Variants in ALOX5AP observed in about 807,000 individuals in gnomAD.
ALOX5AP encodes arachidonate 5-lipoxygenase-activating protein.
A neutral mutation model predicts 18.5 loss-of-function variants in ALOX5AP; 9 were observed. The ratio of observed to expected loss-of-function variants is 0.49; its 90% CI spans 0.29 to 0.85. The LOEUF is 0.85. ALOX5AP is among the 40% of genes least tolerant of loss of function. ALOX5AP has a pLI of 0.08. For missense variants in ALOX5AP, 172 were observed against 202.5 expected (o/e 0.85, Z 0.91); for synonymous variants, 81 against 78.6 (o/e 1.03, Z -0.16).
At chr13:30,715,909 C>T (rs1475827177) in intron 1 of ALOX5AP, among the ~76,000 whole-genome samples, 1 of 152,168 alleles carries the variant, frequency 6.6e-6, no homozygotes. Context: ...AAAATATCAG[C>T]ACTTAATGGC....
chr13:30,741,838 T>G lies in ALOX5AP; in HGVS notation c.71-2222T>G, dbSNP rs560245129. Among the ~76,000 whole-genome samples, 487 of 151,064 alleles carry G rather than the reference T, an allele frequency of 3.2e-3. 3 individuals carry two copies. The highest frequency in any genetic ancestry group is 0.014 in the Middle Eastern group (4 of 292). ...CCAGACAAATGGTTTTCTGTTTTTT[T>G]TTTTTTTTTTTAATATTTTTGGTCA... is the stretch of plus-strand genomic sequence containing the variant. On this transcript the variant is annotated intron_variant, in intron 1 of 4. Transcript: ENST00000380490.
At chr13:30,739,059 A>G (rs1951742160) in intron 1 of ALOX5AP, among the ~76,000 whole-genome samples, 1 of 152,056 alleles carries the variant, frequency 6.6e-6, no homozygotes, top group Non-Finnish European at 1.5e-5. Context: ...CAAAGCAGGA[A>G]TCTTCCTTAC....
In ALOX5AP at chr13:30,729,576, ATT is replaced by A. The variant is rs10655622; in HGVS notation, c.117-5957_117-5956del. ...GCAAAGAAATCCATGTCTAACCTGTATTTTTTTTTTTTTTTTTTTAGATGGGG... is the reference window on the plus strand; with the variant it reads ...GCAAAGAAATCCATGTCTAACCTGTATTTTTTTTTTTTTTTTTAGATGGGG... On this transcript the variant is annotated intron_variant, in intron 1 of 5. Transcript: ENST00000617770. Among the ~76,000 whole-genome samples the A allele has an allele frequency of 6.0e-3, 825 of 137,588 alleles. 6 individuals carry two copies. The highest frequency in any genetic ancestry group is 0.021 in the African/African-American group (760 of 36,926). 90.3% of individuals were successfully genotyped at this position (137,588 alleles called of 152,430 possible).
At chr13:30,739,302 T>C (rs1951744500) in intron 1 of ALOX5AP, among the ~76,000 whole-genome samples, 1 of 152,270 alleles carries the variant, frequency 6.6e-6, no homozygotes, top group Non-Finnish European at 1.5e-5. Context: ...TTGCAGAGAC[T>C]GGAGGGGCCG....
chr13:30,763,867 A>G (rs1287548355), intron 4 of ALOX5AP, 77 bp from the exon 5 acceptor site: 6 of 1,363,852 alleles, frequency 4.4e-6, no homozygotes, highest in African/African-American at 1.5e-5. Context: ...TATATCTAAA[A>G]GGGGTAACAT....
chr13:30,733,501 T>C (rs1182816182), upstream of ALOX5AP, among the ~76,000 whole-genome samples: 1 of 152,238 alleles, frequency 6.6e-6, no homozygotes, highest in Non-Finnish European at 1.5e-5. Context: ...TGGATCTCAC[T>C]AAGGTGAATA....
chr13:30,716,491 C>T (rs554650913), intron 1 of ALOX5AP, among the ~76,000 whole-genome samples: 6 of 152,260 alleles, frequency 3.9e-5, no homozygotes, highest in South Asian at 4.1e-4. Context: ...TATCAGATTC[C>T]GACATTATTT....
chr13:30,728,525 T>TA (rs1307685361), intron 1 of ALOX5AP, among the ~76,000 whole-genome samples: 2 of 152,242 alleles, frequency 1.3e-5, no homozygotes, highest in Non-Finnish European at 2.9e-5. Context: ...CCCTGACTGA[T>TA]ACAGAATATG....
intron 1 of ALOX5AP, among the ~76,000 whole-genome samples, chr13:30,726,507 T>C (rs1302966295): frequency 6.6e-6 from 1 of 152,184 alleles, no homozygotes; most frequent in Non-Finnish European, 1.5e-5. Context: ...ATTCCATCTG[T>C]GTTCCCCTTG....
intron 1 of ALOX5AP, among the ~76,000 whole-genome samples, chr13:30,739,097 G>A (rs1409113506): frequency 6.8e-6 from 1 of 146,580 alleles, no homozygotes; most frequent in Non-Finnish European, 1.5e-5. Flanking sequence ...CCCCTCCACC[G>A]CCTCCACCGG....
chr13:30,726,945 C>A (rs921424666), intron 1 of ALOX5AP, among the ~76,000 whole-genome samples: 3 of 151,900 alleles, frequency 2.0e-5, no homozygotes, highest in Admixed American at 6.6e-5. Flanking sequence ...AAAGGGAATG[C>A]GACTTAGTTA....
At position 30,739,421 on chromosome 13, in the gene ALOX5AP, G is replaced by T. The variant is rs186453492; in HGVS notation, c.70+3746G>T. Among the ~76,000 whole-genome samples, 21 of 152,244 alleles carry T rather than the reference G, an allele frequency of 1.4e-4. No individual in the cohort carries two copies. In the East Asian group the frequency reaches 4.0e-3, roughly 29 times the overall value. ...CAGGTCTTTATAAGTGTATGCAAGT[G>T]AATAAAGATATATATATTATTATTG... On this transcript the variant is annotated intron_variant, in intron 1 of 4. Coordinates refer to ENST00000380490, the MANE Select transcript of ALOX5AP (RefSeq NM_001629.4).
At chr13:30,735,238 C>A (rs1951710896), upstream of ALOX5AP, among the ~76,000 whole-genome samples, 1 of 152,058 alleles carries the variant, frequency 6.6e-6, no homozygotes, top group South Asian at 2.1e-4. Flanking sequence ...ATGGCAGCTT[C>A]CAGATTCTCT....
At chr13:30,720,130 G>T (rs1441293522) in intron 1 of ALOX5AP, among the ~76,000 whole-genome samples, 1 of 152,192 alleles carries the variant, frequency 6.6e-6, no homozygotes. Flanking sequence ...AAAGTGCTGG[G>T]ATTACAGGCG....
At chr13:30,718,643 CA>C (rs199903504) in intron 1 of ALOX5AP, among the ~76,000 whole-genome samples, 1,944 of 152,106 alleles carry the variant, frequency 0.013, 34 homozygotes, top group Admixed American at 0.053. Flanking sequence ...GCCACCTTCT[CA>C]AAAAAGGCCT....
intron 2 of ALOX5AP, among the ~76,000 whole-genome samples, chr13:30,747,479 C>T (rs936182344): frequency 6.6e-6 from 1 of 152,180 alleles, no homozygotes; most frequent in African/African-American, 2.4e-5. Flanking sequence ...GGCCTGTTCA[C>T]ATGTATAAAA....
rs189939733 is a variant in ALOX5AP at position 30,754,687 on chromosome 13, C to T, written c.242-1257C>T. On this transcript the variant is annotated intron_variant, in intron 3 of 4. Transcript: ENST00000380490. ...AATCAGAAAGACCTGGCTTCAAATT[C>T]CACGCCTTCACTGGCCTGACTTATT... Among the ~76,000 whole-genome samples, 7 of 152,350 alleles carry T rather than the reference C, an allele frequency of 4.6e-5. No individual in the cohort carries two copies. The East Asian group carries it at 1.3e-3, about 29-fold the overall frequency.
chr13:30,755,280 G>A lies in ALOX5AP; in HGVS notation c.242-664G>A, dbSNP rs192015618. Among the ~76,000 whole-genome samples the A allele has an allele frequency of 5.6e-4, 86 of 152,316 alleles. 1 individual carries two copies. The highest frequency in any genetic ancestry group is 1.9e-3 in the African/African-American group (81 of 41,560). On this transcript the variant is annotated intron_variant, in intron 3 of 4. Transcript: ENST00000380490. Reference sequence around the variant, plus strand: ...AAATGGTAGCTGTTAGTTCAAGAAAGGTTAAACATTGTGCTGTGGGGAGGC... The same window carrying A: ...AAATGGTAGCTGTTAGTTCAAGAAAAGTTAAACATTGTGCTGTGGGGAGGC...
At chr13:30,749,512 G>A (rs1951835260) in intron 2 of ALOX5AP, among the ~76,000 whole-genome samples, 1 of 152,204 alleles carries the variant, frequency 6.6e-6, no homozygotes, top group Admixed American at 6.5e-5. Flanking sequence ...CTGCAATTTT[G>A]TGCCTCTAGT....
Sources: gnomAD v4.1 joint callset for allele counts (sites outside exome capture counted in the v4.1 genomes callset) on GRCh38, gnomAD v4.1.1 for gene constraint, MANE v1.5 for transcripts, NCBI Gene and HGNC (gene_info 2026-07-23, HGNC 2026-07-21) for gene names.